RABGEF1: variants seen among roughly 807,000 people sequenced by gnomAD.
RABGEF1 encodes rab5 GDP/GTP exchange factor.
In RABGEF1, 26 loss-of-function variants were observed where a neutral mutation model predicts 57.3. That is an observed-to-expected ratio of 0.45 (90% CI 0.33 to 0.63). The LOEUF (loss-of-function observed/expected upper bound fraction) is 0.63. Ranked by LOEUF, RABGEF1 falls within the 20% of genes least tolerant of loss-of-function variation. The pLI is 0.02. For missense variants in RABGEF1, 464 were observed against 607.6 expected, an observed-to-expected ratio of 0.76 and a Z score of 2.48; for synonymous variants, 185 against 210.7, an observed-to-expected ratio of 0.88 and a Z score of 1.06.
intron 2 of RABGEF1, among the ~76,000 whole-genome samples, chr7:66,718,476 T>C (rs2117477025): frequency 6.6e-6 from 1 of 152,308 alleles, no homozygotes. Context: ...ATTTCCCTAG[T>C]TCTTTATATA....
At position 66,707,924 on chromosome 7, in the gene RABGEF1, A is replaced by G. The variant is rs1794327612; in HGVS notation, c.-872-4243A>G. ...GCCAATTTTTTTCTGACATTAATAT[A>G]GCCACTCTAGCTCTCTTTTGGTTAC... On this transcript the variant is annotated intron_variant and NMD_transcript_variant, in intron 1 of 9. Transcript: ENST00000607882. 2.0e-5 allele frequency among the ~76,000 whole-genome samples: 3 copies of G among 152,260 alleles called. No homozygotes were observed. The South Asian group carries it at 6.2e-4, about 32-fold the overall frequency.
the RABGEF1 span, among the ~76,000 whole-genome samples, chr7:66,655,418 T>A: frequency 0.066 from 10,059 of 152,198 alleles, 1,087 homozygotes; most frequent in African/African-American, 0.23. Flanking sequence ...CGTGGACTCG[T>A]TTTGCCTTTG....
At chr7:66,668,636 C>T in the RABGEF1 span, 1 of 152,328 alleles carries the variant, frequency 6.6e-6, no homozygotes, top group Non-Finnish European at 1.5e-5. Flanking sequence ...ACTTAGGAAG[C>T]TACCAGAAAG....
In RABGEF1 at chr7:66,690,650, G is replaced by A. The variant is rs1791384382; in HGVS notation, c.-873+8392G>A. On this transcript the variant is annotated intron_variant and NMD_transcript_variant, in intron 1 of 9. Transcript: ENST00000607882. The stretch of plus-strand genomic sequence containing the variant: ...GGATCTGGGAAGTTGAGGCTGCAGT[G>A]GGCCATGATTGCATCTCTGCACTGC... Among the ~76,000 whole-genome samples the A allele has an allele frequency of 2.0e-5, 3 of 151,672 alleles. No individual in the cohort carries two copies. In the South Asian group the frequency reaches 6.2e-4, roughly 31 times the overall value.
At chr7:66,707,474 C>G (rs1794264054) in intron 1 of RABGEF1, among the ~76,000 whole-genome samples, 1 of 152,054 alleles carries the variant, frequency 6.6e-6, no homozygotes, top group South Asian at 2.1e-4. Flanking sequence ...AGGCAGATCA[C>G]CTCAGGAGTT....
chr7:66,676,420 GA>G, the RABGEF1 span, among the ~76,000 whole-genome samples: 1 of 152,146 alleles, frequency 6.6e-6, no homozygotes, highest in African/African-American at 2.4e-5. Flanking sequence ...CAGCCCTGCA[GA>G]ACCCCTGCTT....
intron 2 of RABGEF1, among the ~76,000 whole-genome samples, chr7:66,726,961 G>C (rs188022607): frequency 6.6e-6 from 1 of 152,038 alleles, no homozygotes; most frequent in East Asian, 1.9e-4. Context: ...CCGAGATTGC[G>C]CCATTGCACT....
At chr7:66,679,827 C>G (rs73135905), upstream of RABGEF1, among the ~76,000 whole-genome samples, 15,785 of 152,128 alleles carry the variant, frequency 0.1, 899 homozygotes, top group Non-Finnish European at 0.11. Context: ...TCCAGGACTT[C>G]GAGACCAGCC....
chr7:66,732,238 G>C (rs1347224840), intron 2 of RABGEF1, among the ~76,000 whole-genome samples: 1 of 152,216 alleles, frequency 6.6e-6, no homozygotes, highest in Non-Finnish European at 1.5e-5. Flanking sequence ...GCCAGCTGCA[G>C]CTAGCCATGG....
chr7:66,661,327 T>C, the RABGEF1 span, among the ~76,000 whole-genome samples: 1 of 138,676 alleles, frequency 7.2e-6, no homozygotes, highest in Non-Finnish European at 1.5e-5. Flanking sequence ...ATGAGGGCGT[T>C]ACTGTGACTT....
chr7:66,683,186 C>T (rs561574337), intron 1 of RABGEF1, among the ~76,000 whole-genome samples: 1 of 152,168 alleles, frequency 6.6e-6, no homozygotes, highest in African/African-American at 2.4e-5. Flanking sequence ...CAATGTTACC[C>T]AGGCAGGTGT....
At chr7:66,740,331 C>T (rs1405649000), upstream of RABGEF1, 2 of 152,260 alleles carry the variant, frequency 1.3e-5, no homozygotes, top group Non-Finnish European at 2.9e-5. Context: ...AACAGAGTTT[C>T]TGAAGCGTCC....
chr7:66,732,529 C>T (rs1797441370), intron 2 of RABGEF1, among the ~76,000 whole-genome samples: 1 of 152,076 alleles, frequency 6.6e-6, no homozygotes, highest in African/African-American at 2.4e-5. Context: ...TCCCCAGTCA[C>T]TCACCCTCTG....
chr7:66,680,804 G>A (rs1306409105), upstream of RABGEF1, among the ~76,000 whole-genome samples: 3 of 152,040 alleles, frequency 2.0e-5, no homozygotes, highest in Non-Finnish European at 4.4e-5. Flanking sequence ...AAAATTAGCC[G>A]GGTGCGGAGG....
intron 1 of RABGEF1, among the ~76,000 whole-genome samples, chr7:66,705,972 G>A (rs1794020959): frequency 1.4e-5 from 2 of 139,640 alleles, no homozygotes; most frequent in African/African-American, 2.7e-5. Context: ...GCGCAATCTC[G>A]GCTCACTGCA....
intron 2 of RABGEF1, among the ~76,000 whole-genome samples, chr7:66,723,925 T>C (rs1462484951): frequency 6.6e-6 from 1 of 152,208 alleles, no homozygotes; most frequent in Non-Finnish European, 1.5e-5. Flanking sequence ...ATCTGTTACA[T>C]TAATCCACAT....
At chr7:66,687,300 A>T (rs1013378044) in intron 1 of RABGEF1, among the ~76,000 whole-genome samples, 25 of 150,798 alleles carry the variant, frequency 1.7e-4, no homozygotes, top group Non-Finnish European at 1.6e-4. Flanking sequence ...AAGTTTTTGT[A>T]TTTTTAGTAG....
chr7:66,683,594 G>A (rs1205959055), intron 1 of RABGEF1, among the ~76,000 whole-genome samples: 4 of 152,166 alleles, frequency 2.6e-5, no homozygotes, highest in Non-Finnish European at 5.9e-5. Flanking sequence ...ATGCTGTTGG[G>A]TGTGGAGCCT....
intron 1 of RABGEF1, among the ~76,000 whole-genome samples, chr7:66,764,701 A>G (rs1333734094): frequency 6.6e-6 from 1 of 152,208 alleles, no homozygotes; most frequent in East Asian, 1.9e-4. Context: ...TCCCGGCACT[A>G]TTTGGTGAAA....
Sources: gnomAD v4.1 joint callset for allele counts (sites outside exome capture counted in the v4.1 genomes callset) on GRCh38, gnomAD v4.1.1 for gene constraint, MANE v1.5 for transcripts, NCBI Gene and HGNC (gene_info 2026-07-23, HGNC 2026-07-21) for gene names.